Variants in FYN observed in about 807,000 individuals in gnomAD.
FYN encodes tyrosine-protein kinase Fyn.
A neutral mutation model predicts 70.2 loss-of-function variants in FYN; 10 were observed. That is an observed-to-expected ratio of 0.14 (90% CI 0.09 to 0.24). FYN has a LOEUF of 0.24. FYN is among the 10% of genes least tolerant of loss of function. The pLI, the probability that FYN is intolerant of heterozygous loss-of-function variation, is 1.00. For missense variants in FYN, 319 were observed against 673.1 expected (o/e 0.47, Z 5.82); for synonymous variants, 236 against 248.6 (o/e 0.95, Z 0.48).
intron 5 of FYN, among the ~76,000 whole-genome samples, chr6:111,710,034 A>T (rs772876873): frequency 2.5e-4 from 38 of 152,178 alleles, no homozygotes; most frequent in Non-Finnish European, 1.6e-4. Flanking sequence ...ACTTTAATAT[A>T]GTGACAAGGT....
At chr6:111,746,663 A>G (rs1244707325) in intron 3 of FYN, among the ~76,000 whole-genome samples, 5 of 152,230 alleles carry the variant, frequency 3.3e-5, no homozygotes, top group Non-Finnish European at 7.3e-5. Context: ...TGGCAAAGCA[A>G]AAAAGAAAAG....
At chr6:111,671,542 A>G (rs1471835366) in intron 13 of FYN, among the ~76,000 whole-genome samples, 1 of 152,164 alleles carries the variant, frequency 6.6e-6, no homozygotes, top group East Asian at 1.9e-4. Flanking sequence ...ACTGTTCTCC[A>G]AAAAAGAATT....
chr6:111,695,027 C>T (rs1347591801), intron 10 of FYN, among the ~76,000 whole-genome samples: 1 of 152,166 alleles, frequency 6.6e-6, no homozygotes, highest in East Asian at 1.9e-4. Flanking sequence ...CTCTTCAATC[C>T]CATTCCCCAA....
intron 1 of FYN, among the ~76,000 whole-genome samples, chr6:111,872,162 T>A (rs1016083001): frequency 6.6e-5 from 10 of 151,784 alleles, no homozygotes; most frequent in African/African-American, 2.4e-4. Flanking sequence ...TCCCAGTGAG[T>A]CCCAGCACAT....
At chr6:111,778,067 T>C (rs949136729) in intron 3 of FYN, among the ~76,000 whole-genome samples, 5 of 152,144 alleles carry the variant, frequency 3.3e-5, no homozygotes, top group Admixed American at 6.5e-5. Context: ...ACAGAAGCAA[T>C]GCACCCTCTG....
intron 1 of FYN, among the ~76,000 whole-genome samples, chr6:111,862,961 G>A (rs545142026): frequency 7.9e-5 from 12 of 152,218 alleles, no homozygotes; most frequent in African/African-American, 2.7e-4. Flanking sequence ...ATGGGCTTCT[G>A]GCTAACCAAG....
intron 2 of FYN, among the ~76,000 whole-genome samples, chr6:111,782,874 C>T (rs1044623737): frequency 1.3e-5 from 2 of 152,186 alleles, no homozygotes; most frequent in Non-Finnish European, 2.9e-5. Context: ...CAGATGTGAA[C>T]CGGTGGTTCT....
At chr6:111,799,554 T>C (rs1170874866) in intron 2 of FYN, among the ~76,000 whole-genome samples, 1 of 152,250 alleles carries the variant, frequency 6.6e-6, no homozygotes, top group Non-Finnish European at 1.5e-5. Flanking sequence ...TTTTCCCAGA[T>C]ACATACTACT....
intron 3 of FYN, among the ~76,000 whole-genome samples, chr6:111,744,541 T>A (rs961181192): frequency 1.6e-4 from 24 of 152,214 alleles, no homozygotes; most frequent in Admixed American, 1.4e-3. Flanking sequence ...AGCAATTATT[T>A]GATCTTTCCT....
chr6:111,721,442 G>T (rs1393104104), intron 3 of FYN, among the ~76,000 whole-genome samples: 2 of 152,160 alleles, frequency 1.3e-5, no homozygotes, highest in Non-Finnish European at 2.9e-5. Context: ...TCCCTCCTGT[G>T]ACTTTGAGAT....
chr6:111,693,898 G>C (rs1033287386), intron 12 of FYN, among the ~76,000 whole-genome samples: 3 of 152,108 alleles, frequency 2.0e-5, no homozygotes, highest in Non-Finnish European at 2.9e-5. Context: ...GGCCCATTCT[G>C]ACTTCTTGTG....
intron 9 of FYN, among the ~76,000 whole-genome samples, chr6:111,697,867 T>C (rs950871176): frequency 6.6e-6 from 1 of 152,224 alleles, no homozygotes; most frequent in African/African-American, 2.4e-5. Context: ...TTCTCTGTGA[T>C]TGTGTGAGTA....
intron 3 of FYN, among the ~76,000 whole-genome samples, chr6:111,738,392 A>G (rs1281092226): frequency 6.6e-6 from 1 of 152,212 alleles, no homozygotes; most frequent in Non-Finnish European, 1.5e-5. Context: ...CTGAAGGCTT[A>G]CAACCTCAAC....
At chr6:111,871,084 GT>G (rs1304280959) in intron 1 of FYN, among the ~76,000 whole-genome samples, 1 of 152,144 alleles carries the variant, frequency 6.6e-6, no homozygotes, top group African/African-American at 2.4e-5. Flanking sequence ...TATAAAAATA[GT>G]CGAGGAGCCA....
At chr6:111,750,878 A>G (rs1356257078) in intron 3 of FYN, among the ~76,000 whole-genome samples, 1 of 152,204 alleles carries the variant, frequency 6.6e-6, no homozygotes, top group Non-Finnish European at 1.5e-5. Flanking sequence ...GAAAGGACAC[A>G]ATGGCCACCT....
chr6:111,664,070 T>C lies in FYN; in HGVS notation c.1406-2123A>G, dbSNP rs1234963626. ...CTGATTACGAGGCTATTTACTGTTT[T>C]TATTTCTTCATACATATTGCCCAGA... On this transcript the variant is annotated intron_variant, in intron 13 of 13. Coordinates refer to ENST00000354650, the MANE Select transcript of FYN (RefSeq NM_002037.5). 2.6e-5 allele frequency among the ~76,000 whole-genome samples: 4 copies of C among 152,234 alleles called. No homozygotes were observed. In the East Asian group the frequency reaches 5.8e-4, roughly 22 times the overall value.
chr6:111,849,257 C>G (rs1773617066), intron 1 of FYN, among the ~76,000 whole-genome samples: 1 of 152,182 alleles, frequency 6.6e-6, no homozygotes, highest in African/African-American at 2.4e-5. Flanking sequence ...AGCCAAAGGA[C>G]AAGACCCTGA....
In FYN at chr6:111,789,703, TAAAAC is replaced by T. The variant is rs1562522177; in HGVS notation, c.-81-9073_-81-9069del. 3.3e-5 allele frequency among the ~76,000 whole-genome samples: 5 copies of T among 152,222 alleles called. No homozygotes were observed. The South Asian group carries it at 1.0e-3, about 32-fold the overall frequency. On this transcript the variant is annotated intron_variant, in intron 2 of 13. Coordinates refer to ENST00000354650, the MANE Select transcript of FYN (RefSeq NM_002037.5). Reference sequence around the variant, plus strand: ...CACATGTATCAGGAAAAAAAGAAAATAAAACAAAAACTCTGTTCTGTAGTGTACTT... The same window carrying T: ...CACATGTATCAGGAAAAAAAGAAAATAAAAACTCTGTTCTGTAGTGTACTT...
At chr6:111,678,584 C>T (rs184988831) in intron 12 of FYN, among the ~76,000 whole-genome samples, 26 of 152,252 alleles carry the variant, frequency 1.7e-4, no homozygotes, top group African/African-American at 4.6e-4. Context: ...CAGATGGGAC[C>T]TCTCTCTCGA....
Sources: allele counts gnomAD v4.1 joint callset (sites outside exome capture counted in the v4.1 genomes callset), GRCh38; gene constraint gnomAD v4.1.1; transcripts MANE v1.5; gene names NCBI Gene and HGNC (gene_info 2026-07-23, HGNC 2026-07-21).